ARHGAP42: variants seen among roughly 807,000 people sequenced by gnomAD.
ARHGAP42 encodes rho GTPase-activating protein 42.
In ARHGAP42, 63 loss-of-function variants were observed where a neutral mutation model predicts 125.0. That is an observed-to-expected ratio of 0.50 (90% CI 0.41 to 0.62). The LOEUF is 0.62. Ranked by LOEUF, ARHGAP42 falls within the 20% of genes least tolerant of loss-of-function variation. The pLI is 0.00. For missense variants in ARHGAP42, 766 were observed against 1,024.2 expected, an observed-to-expected ratio of 0.75 and a Z score of 3.44; for synonymous variants, 339 against 351.0, an observed-to-expected ratio of 0.97 and a Z score of 0.38.
At chr11:100,710,341 G>A (rs537988800) in intron 1 of ARHGAP42, among the ~76,000 whole-genome samples, 30 of 150,224 alleles carry the variant, frequency 2.0e-4, no homozygotes, top group Non-Finnish European at 3.5e-4. Flanking sequence ...ATTCTCCTGC[G>A]TCAGCCTCCT....
intron 1 of ARHGAP42, among the ~76,000 whole-genome samples, chr11:100,751,280 T>G (rs1450144678): frequency 1.6e-4 from 9 of 56,180 alleles, no homozygotes. Flanking sequence ...TGTGTGTGTG[T>G]TTTTTTTTTT....
intron 1 of ARHGAP42, among the ~76,000 whole-genome samples, chr11:100,690,790 T>C (rs1034562177): frequency 6.6e-6 from 1 of 151,836 alleles, no homozygotes; most frequent in Admixed American, 6.6e-5. Flanking sequence ...TTAGTAGAGA[T>C]GGGGTTTCAC....
rs78903537 is a variant in ARHGAP42, at chr11:100,838,194, A to G, written c.313-21360A>G. Among the ~76,000 whole-genome samples the G allele has an allele frequency of 7.3e-3, 1,115 of 151,920 alleles. 5 individuals are homozygous for G. Among genetic ancestry groups the G allele is most frequent in the Middle Eastern group, 0.037 (11 of 294 alleles). On this transcript the variant is annotated intron_variant, in intron 3 of 23. Transcript: ENST00000298815. ...TGCTTCCTTCTGAGTAAATTCCTGC[A>G]TTTTGCGCAGGAATTAAGGCACCTG...
At chr11:100,887,787 G>T (rs1333116594) in intron 4 of ARHGAP42, among the ~76,000 whole-genome samples, 1 of 152,162 alleles carries the variant, frequency 6.6e-6, no homozygotes, top group African/African-American at 2.4e-5. Flanking sequence ...CCCTCCTGAG[G>T]CAGGCCATAA....
intron 1 of ARHGAP42, among the ~76,000 whole-genome samples, chr11:100,756,633 G>A (rs1862584160): frequency 6.6e-6 from 1 of 152,164 alleles, no homozygotes; most frequent in Non-Finnish European, 1.5e-5. Context: ...CATAAATTGT[G>A]TGTATCATTT....
chr11:100,830,768 C>G (rs1386480182), intron 3 of ARHGAP42, among the ~76,000 whole-genome samples: 1 of 152,126 alleles, frequency 6.6e-6, no homozygotes, highest in African/African-American at 2.4e-5. Context: ...GAGCCGTCAT[C>G]TGGCATTGTT....
chr11:100,962,383 A>C, intron 15 of ARHGAP42, 26 bp from the exon 16 acceptor site: 2 of 1,541,904 alleles, frequency 1.3e-6, no homozygotes, highest in South Asian at 2.4e-5. Context: ...TACTATTCTA[A>C]CATGTGTTTC....
At chr11:100,986,093 A>T in intron 22 of ARHGAP42, 1 of 456,686 alleles carries the variant, frequency 2.2e-6, no homozygotes, top group Non-Finnish European at 4.4e-6. Context: ...CCTGAGTTAT[A>T]CTACTAAGCA....
chr11:100,800,042 G>T (rs1390358866), intron 3 of ARHGAP42, among the ~76,000 whole-genome samples: 1 of 152,174 alleles, frequency 6.6e-6, no homozygotes, highest in African/African-American at 2.4e-5. Flanking sequence ...GCAATGAAGA[G>T]AAATTGAAGT....
At chr11:100,757,497 T>A (rs1050601213) in intron 1 of ARHGAP42, among the ~76,000 whole-genome samples, 1 of 152,120 alleles carries the variant, frequency 6.6e-6, no homozygotes, top group South Asian at 2.1e-4. Context: ...AGTAAGTCAA[T>A]CTATTAAAAG....
intron 4 of ARHGAP42, among the ~76,000 whole-genome samples, chr11:100,886,819 G>A (rs1172848081): frequency 6.6e-6 from 1 of 152,106 alleles, no homozygotes; most frequent in African/African-American, 2.4e-5. Flanking sequence ...CAAATATAGT[G>A]GGAAGAACAC....
At chr11:100,764,680 T>TGAAAG (rs1241149740) in intron 1 of ARHGAP42, among the ~76,000 whole-genome samples, 2 of 152,088 alleles carry the variant, frequency 1.3e-5, no homozygotes, top group Non-Finnish European at 2.9e-5. Context: ...TGTAAGAATG[T>TGAAAG]GAAAGGAAAG....
intron 17 of ARHGAP42, among the ~76,000 whole-genome samples, chr11:100,970,258 G>GGATT (rs752405939): frequency 6.6e-6 from 1 of 152,090 alleles, no homozygotes; most frequent in Non-Finnish European, 1.5e-5. Context: ...AAAAGTGGTG[G>GGATT]GATTACAGGT....
chr11:100,856,179 A>C (rs758836697), intron 3 of ARHGAP42, among the ~76,000 whole-genome samples: 14 of 152,050 alleles, frequency 9.2e-5, no homozygotes, highest in Non-Finnish European at 1.6e-4. Flanking sequence ...ATATGAGCAA[A>C]AATTGCATTT....
intron 1 of ARHGAP42, among the ~76,000 whole-genome samples, chr11:100,749,166 T>C (rs1277760067): frequency 6.6e-6 from 1 of 152,114 alleles, no homozygotes; most frequent in Non-Finnish European, 1.5e-5. Context: ...TCTGAATACT[T>C]TTCTTACTAC....
rs184701692 is a variant in ARHGAP42, at chr11:100,878,205, C to T, written c.384+18580C>T. 8.7e-3 allele frequency among the ~76,000 whole-genome samples: 1,321 copies of T among 151,640 alleles called. 50 individuals carry two copies. Among genetic ancestry groups the T allele is most frequent in the Admixed American group, 0.059 (892 of 15,230 alleles). On this transcript the variant is annotated intron_variant, in intron 4 of 23. Transcript: ENST00000298815. ...GTGCAATGGCACAATCTCAGCTCACCGCAACCTCCGCCTCCCTGTTTCAAG... is the reference window on the plus strand; with the variant it reads ...GTGCAATGGCACAATCTCAGCTCACTGCAACCTCCGCCTCCCTGTTTCAAG...
At chr11:100,903,115 G>GCACACACACACACA (rs1480178280) in intron 4 of ARHGAP42, among the ~76,000 whole-genome samples, 1 of 13,704 alleles carries the variant, frequency 7.3e-5, no homozygotes, top group Non-Finnish European at 1.7e-4. Context: ...TGTCCAAGAT[G>GCACACACACACACA]CGCACACACA....
chr11:100,729,205 T>A (rs1026656266), intron 1 of ARHGAP42, among the ~76,000 whole-genome samples: 2 of 152,026 alleles, frequency 1.3e-5, no homozygotes, highest in African/African-American at 4.8e-5. Flanking sequence ...GTTTATTTAA[T>A]TAGTATGATG....
Position 100,978,991 on chromosome 11 carries a change from G to A in ARHGAP42, c.2398G>A (p.Ala800Thr), listed in dbSNP as rs753988120. 2.4e-5 allele frequency: 38 copies of A among 1,551,286 alleles called. No homozygotes were observed. The highest frequency in any genetic ancestry group is 3.2e-5 in the Non-Finnish European group (37 of 1,146,798). ...GCATTTTAAATCATTTTTCAGAGTG[G>A]CAGCAAAAGCTCAACTGTTTGAAAA... ...NGYQRPGSVV[A>T]AKAQLFENVG... The change falls in exon 22 of 24, where the codon GCA (alanine) becomes ACA (threonine). Residue 800 changes from alanine (A) to threonine (T), a missense_variant. Ala to Thr is a moderately conservative substitution (Grantham distance 58). Coordinates refer to ENST00000298815, the MANE Select transcript of ARHGAP42 (RefSeq NM_152432.4).
Sources: gnomAD v4.1 joint callset for allele counts (sites outside exome capture counted in the v4.1 genomes callset) on GRCh38, gnomAD v4.1.1 for gene constraint, MANE v1.5 for transcripts, NCBI Gene and HGNC (gene_info 2026-07-23, HGNC 2026-07-21) for gene names.